CREB5: variants seen among roughly 807,000 people sequenced by gnomAD.
CREB5 encodes cyclic AMP-responsive element-binding protein 5.
In CREB5, 19 loss-of-function variants were observed where a neutral mutation model predicts 57.1. The ratio of observed to expected loss-of-function variants is 0.33; its 90% CI spans 0.23 to 0.49. The LOEUF is 0.49. Ranked by LOEUF, CREB5 falls within the 20% of genes least tolerant of loss-of-function variation. The pLI is 0.99. For missense variants in CREB5, 579 were observed against 671.6 expected (o/e 0.86, Z 1.52); for synonymous variants, 238 against 238.3 (o/e 1.00, Z 0.01).
intron 4 of CREB5, among the ~76,000 whole-genome samples, chr7:28,567,112 T>C (rs1795513948): frequency 2.0e-5 from 3 of 152,228 alleles, no homozygotes; most frequent in Admixed American, 2.0e-4. Flanking sequence ...GTGGTTGTCA[T>C]CATTTGAGCC....
chr7:28,540,974 G>A (rs898935168), intron 4 of CREB5, among the ~76,000 whole-genome samples: 2 of 152,166 alleles, frequency 1.3e-5, no homozygotes, highest in Non-Finnish European at 2.9e-5. Flanking sequence ...CACCTTGAAT[G>A]CTTGCAACCA....
intron 5 of CREB5, among the ~76,000 whole-genome samples, chr7:28,679,840 C>T (rs1562566968): frequency 6.6e-6 from 1 of 152,182 alleles, no homozygotes; most frequent in African/African-American, 2.4e-5. Flanking sequence ...ACTTTTAGTT[C>T]AGCTCTCAGC....
chr7:28,412,734 C>T lies in CREB5; in HGVS notation c.-181C>T, dbSNP rs1267422291. 3 of 450,986 alleles carry T rather than the reference C, an allele frequency of 6.7e-6. No individual in the cohort carries two copies. Among genetic ancestry groups the T allele is most frequent in the Non-Finnish European group, 1.1e-5 (3 of 264,182 alleles). The allele number at this position is 450,986 out of a possible 1,614,324, so 27.9% of individuals were successfully genotyped here. A position where few individuals can be genotyped will look rare whatever the true frequency, so the allele number is the denominator to read the frequency against. On this transcript the variant is annotated 5_prime_UTR_variant, in exon 1 of 11. Coordinates refer to ENST00000357727, the MANE Select transcript of CREB5 (RefSeq NM_182898.4). ...CAGAAGTAATTGTAAAATACCAGAC[C>T]TGTTCTTTTTACTAAAAGCTAGTTT...
At chr7:28,486,026 G>A (rs1159568606) in intron 1 of CREB5, among the ~76,000 whole-genome samples, 1 of 152,076 alleles carries the variant, frequency 6.6e-6, no homozygotes, top group Non-Finnish European at 1.5e-5. Flanking sequence ...GACAGTAAAG[G>A]ATTTTGAACA....
At chr7:28,610,141 G>A (rs1797326282) in intron 5 of CREB5, among the ~76,000 whole-genome samples, 1 of 152,124 alleles carries the variant, frequency 6.6e-6, no homozygotes, top group Non-Finnish European at 1.5e-5. Flanking sequence ...GGGCCCTGGG[G>A]TACAGCTTTT....
At position 28,575,669 on chromosome 7, in the gene CREB5, A is replaced by G. The variant is rs563143612; in HGVS notation, c.464+5132A>G. Reference sequence around the variant, plus strand: ...GAAGCCCCTTTGAGTAATGCAGACCAGAAGTCATTATTTCCTGCTTTGTGT... The same window carrying G: ...GAAGCCCCTTTGAGTAATGCAGACCGGAAGTCATTATTTCCTGCTTTGTGT... On this transcript the variant is annotated intron_variant, in intron 5 of 10. Coordinates refer to ENST00000357727, the MANE Select transcript of CREB5 (RefSeq NM_182898.4). Among the ~76,000 whole-genome samples the G allele has an allele frequency of 6.6e-5, 10 of 152,328 alleles. No individual in the cohort carries two copies. In the South Asian group the frequency reaches 2.1e-3, roughly 32 times the overall value.
intron 5 of CREB5, among the ~76,000 whole-genome samples, chr7:28,708,093 G>A (rs553714583): frequency 7.2e-4 from 110 of 152,260 alleles, no homozygotes; most frequent in Non-Finnish European, 1.4e-3. Flanking sequence ...TGATCACAGC[G>A]GTGATTGAGA....
At chr7:28,410,924 C>T (rs1321641749), upstream of CREB5, among the ~76,000 whole-genome samples, 1 of 151,958 alleles carries the variant, frequency 6.6e-6, no homozygotes, top group Non-Finnish European at 1.5e-5. Flanking sequence ...CTTCCCAGCC[C>T]CTCCCTCTCC....
chr7:28,751,122 A>G (rs777885351), intron 7 of CREB5, among the ~76,000 whole-genome samples: 1 of 148,852 alleles, frequency 6.7e-6, no homozygotes. Context: ...CCATTAACCA[A>G]CAAACGAAGC....
chr7:28,307,310 A>C (rs1442733921), intron 1 of CREB5, among the ~76,000 whole-genome samples: 1 of 152,196 alleles, frequency 6.6e-6, no homozygotes, highest in South Asian at 2.1e-4. Flanking sequence ...CTCTAGCCTC[A>C]TGAATGGATT....
At chr7:28,560,830 G>A (rs1274227012) in intron 4 of CREB5, among the ~76,000 whole-genome samples, 7 of 130,316 alleles carry the variant, frequency 5.4e-5, no homozygotes, top group South Asian at 4.8e-4. Flanking sequence ...GTGCGCGCGC[G>A]CGCGTGTGTG....
At chr7:28,463,209 C>T (rs1790423625) in intron 1 of CREB5, among the ~76,000 whole-genome samples, 1 of 152,032 alleles carries the variant, frequency 6.6e-6, no homozygotes. Flanking sequence ...ATTGCATGAT[C>T]TTGGCATCCT....
chr7:28,816,935 A>T (rs1217049826), intron 9 of CREB5, among the ~76,000 whole-genome samples: 2 of 152,226 alleles, frequency 1.3e-5, no homozygotes, highest in African/African-American at 4.8e-5. Flanking sequence ...TGCTACATTT[A>T]CGTTCACTTT....
In CREB5 at chr7:28,518,527, A is replaced by G. The variant is rs200927796; in HGVS notation, c.291+10790A>G. Among the ~76,000 whole-genome samples the G allele has an allele frequency of 5.9e-5, 9 of 152,324 alleles. No individual in the cohort carries two copies. The East Asian group carries it at 1.7e-3, about 29-fold the overall frequency. Reference sequence around the variant, plus strand: ...CTGAATTTGTTGGCATGGTTGGCCCAGGCATTCCTGTCCATTGCTCTCTAA... The same window carrying G: ...CTGAATTTGTTGGCATGGTTGGCCCGGGCATTCCTGTCCATTGCTCTCTAA... On this transcript the variant is annotated intron_variant, in intron 4 of 10. Transcript: ENST00000357727.
chr7:28,575,370 G>A (rs1795866279), intron 5 of CREB5, among the ~76,000 whole-genome samples: 1 of 152,168 alleles, frequency 6.6e-6, no homozygotes, highest in East Asian at 1.9e-4. Flanking sequence ...GTGGGTAAAT[G>A]ATGCCATCAC....
At chr7:28,687,819 A>T (rs1337201994) in intron 5 of CREB5, among the ~76,000 whole-genome samples, 2 of 152,080 alleles carry the variant, frequency 1.3e-5, no homozygotes, top group Non-Finnish European at 2.9e-5. Flanking sequence ...TGGAGGAAGT[A>T]GCATGATGTG....
intron 1 of CREB5, among the ~76,000 whole-genome samples, chr7:28,444,765 C>T (rs1789358257): frequency 6.6e-6 from 1 of 152,234 alleles, no homozygotes. Context: ...CCCCCTGATG[C>T]CAGAGAAAAT....
At chr7:28,807,278 G>A (rs199681213) in intron 8 of CREB5, among the ~76,000 whole-genome samples, 2 of 151,996 alleles carry the variant, frequency 1.3e-5, no homozygotes, top group African/African-American at 4.8e-5. Flanking sequence ...GAAACCCTGT[G>A]TCTACTAAAA....
chr7:28,522,403 T>C (rs1793246175), intron 4 of CREB5, among the ~76,000 whole-genome samples: 1 of 149,564 alleles, frequency 6.7e-6, no homozygotes, highest in Admixed American at 6.7e-5. Context: ...TTTTTTTTTT[T>C]TTTTTTTTCT....
Sources: allele counts gnomAD v4.1 joint callset (sites outside exome capture counted in the v4.1 genomes callset), GRCh38; gene constraint gnomAD v4.1.1; transcripts MANE v1.5; gene names NCBI Gene and HGNC (gene_info 2026-07-23, HGNC 2026-07-21).